Variants in KIF2A observed in about 807,000 individuals in gnomAD.
The protein encoded by KIF2A is kinesin-like protein KIF2A.
Under a neutral mutation model 100.2 loss-of-function variants are expected in KIF2A, and 22 were observed. The ratio of observed to expected loss-of-function variants is 0.22; its 90% confidence interval spans 0.16 to 0.31. The LOEUF is 0.31. Ranked by LOEUF, KIF2A falls within the 10% of genes least tolerant of loss-of-function variation. The pLI, the probability that KIF2A is intolerant of heterozygous loss-of-function variation, is 1.00. For missense variants in KIF2A, 495 were observed against 898.7 expected (o/e 0.55, Z 5.74); for synonymous variants, 268 against 285.9 (o/e 0.94, Z 0.63).
intron 1 of KIF2A, chr5:62,306,869 C>T (rs1745315989): frequency 6.0e-6 from 2 of 333,574 alleles, no homozygotes; most frequent in South Asian, 4.2e-5. Context: ...GGGACACCAG[C>T]CCGGGAGGGA....
At position 62,377,758 on chromosome 5, in the gene KIF2A, T is replaced by A; in HGVS notation, c.2009T>A (p.Phe670Tyr). 6.6e-7 allele frequency: 1 copy of A among 1,506,086 alleles called. No homozygotes were observed. The highest frequency in any genetic ancestry group is 9.0e-7 in the Non-Finnish European group (1 of 1,110,192). The allele number at this position is 1,506,086 out of a possible 1,614,324, so 93.3% of individuals were successfully genotyped here. ...GTTGTAGAAGATCACAGGGCAGTGT[T>A]CCAGGTAAAGTAAGACAGGACTTTC... The part of the protein sequence containing the change: ...EQVVEDHRAV[F>Y]QESIRWLEDE... The change falls in exon 19 of 21, where the codon TTC becomes TAC. Residue 670 changes from phenylalanine to tyrosine, a missense_variant. This residue lies in a region of KIF2A where 58 missense variants were observed against 94.8 expected (regional missense o/e 0.61). Transcript: ENST00000407818.
intron 1 of KIF2A, among the ~76,000 whole-genome samples, chr5:62,342,279 C>T (rs1471449238): frequency 2.0e-5 from 3 of 152,062 alleles, no homozygotes; most frequent in African/African-American, 7.2e-5. Flanking sequence ...TAGGCTCCTC[C>T]CAGATTGTGA....
At chr5:62,354,945 A>C (rs1748026613) in intron 6 of KIF2A, among the ~76,000 whole-genome samples, 1 of 152,190 alleles carries the variant, frequency 6.6e-6, no homozygotes, top group Admixed American at 6.5e-5. Context: ...ATACCGACTA[A>C]GAGAATTGTG....
Position 62,390,859 on chromosome 5 carries a change from A to G in KIF2A, c.*5290A>G, listed in dbSNP as rs534698558. On this transcript the variant is annotated 3_prime_UTR_variant, in exon 21 of 21. Transcript: ENST00000407818. Reference sequence around the variant, plus strand: ...GTAAAGAAATGTAAACACTTAGGAAAACAAAAATGTAATTACCTGATGAAG... The same window carrying G: ...GTAAAGAAATGTAAACACTTAGGAAGACAAAAATGTAATTACCTGATGAAG... 2.5e-6 allele frequency: 4 copies of G among 1,605,760 alleles called. No individual in the cohort carries two copies. In the African/African-American group the frequency reaches 5.3e-5, roughly 21 times the overall value.
At chr5:62,376,136 G>A (rs959384690) in intron 18 of KIF2A, among the ~76,000 whole-genome samples, 5 of 152,064 alleles carry the variant, frequency 3.3e-5, no homozygotes, top group Admixed American at 3.3e-4. Flanking sequence ...CATCTATTGG[G>A]CCTCTGTAGA....
intron 20 of KIF2A, among the ~76,000 whole-genome samples, 156 bp downstream of exon 20, chr5:62,381,409 G>A (rs760757505): frequency 6.6e-6 from 1 of 152,138 alleles, no homozygotes; most frequent in Non-Finnish European, 1.5e-5. Flanking sequence ...ACTAACCATT[G>A]TGGTTTTTCT....
rs749857734 is a variant in KIF2A, at chr5:62,348,094, A to T, written c.206A>T (p.Asp69Val). The T allele has an allele frequency of 2.5e-6, 4 of 1,613,804 alleles. No homozygotes were observed. ...IFSLNPDLVP[D>V]EEIEPSPETP... is the part of the protein sequence containing the mutation. The stretch of plus-strand genomic sequence containing the variant: ...TCACTTAACCCTGACCTTGTTCCTG[A>T]TGAAGAAATTGAACCCAGTCCAGAA... The change falls in exon 3 of 21, where the codon GAT becomes GTT. Residue 69 changes from aspartate (D) to valine (V), a missense_variant. Physicochemically the swap from Asp to Val is radical, Grantham distance 152. Around this residue, in one of 10 missense-constraint regions of KIF2A, gnomAD observed 115 missense variants for 143.6 expected, o/e 0.80. Coordinates refer to ENST00000407818, the MANE Select transcript of KIF2A (RefSeq NM_001098511.3).
chr5:62,329,297 T>G (rs1436712700), intron 1 of KIF2A, among the ~76,000 whole-genome samples: 3 of 152,208 alleles, frequency 2.0e-5, no homozygotes, highest in Non-Finnish European at 4.4e-5. Context: ...ACAGCACTGT[T>G]ACCAGTGTCA....
rs564891293 is a variant in KIF2A, at chr5:62,341,458, G to A, written c.65-5672G>A. Among the ~76,000 whole-genome samples, 60 of 149,444 alleles carry A rather than the reference G, an allele frequency of 4.0e-4. 1 individual carries two copies. The highest frequency in any genetic ancestry group is 1.5e-3 in the African/African-American group (59 of 40,576). On this transcript the variant is annotated intron_variant, in intron 1 of 20. Coordinates refer to ENST00000407818, the MANE Select transcript of KIF2A (RefSeq NM_001098511.3). ...TGGGCCTGTAGGTGGACACCACCATGCCCTGTTGATTTTTAAATTTTTTTT... is the reference window on the plus strand; with the variant it reads ...TGGGCCTGTAGGTGGACACCACCATACCCTGTTGATTTTTAAATTTTTTTT...
intron 1 of KIF2A, among the ~76,000 whole-genome samples, chr5:62,341,446 G>A (rs1187891640): frequency 1.3e-5 from 2 of 151,570 alleles, no homozygotes; most frequent in Admixed American, 6.6e-5. Flanking sequence ...GCCTGTAGGT[G>A]GACACCACCA....
chr5:62,344,443 A>G (rs904475653), intron 1 of KIF2A, among the ~76,000 whole-genome samples: 1 of 152,198 alleles, frequency 6.6e-6, no homozygotes, highest in African/African-American at 2.4e-5. Flanking sequence ...TGACATATTC[A>G]TACTTAAAAA....
In KIF2A at chr5:62,389,022, A is replaced by T. The variant is rs756934070; in HGVS notation, c.*3453A>T. 13 of 1,609,898 alleles carry T rather than the reference A, an allele frequency of 8.1e-6. No individual in the cohort carries two copies. In the South Asian group the frequency reaches 1.1e-4, roughly 14 times the overall value. On this transcript the variant is annotated 3_prime_UTR_variant, in exon 21 of 21. Transcript: ENST00000407818. ...GTTTTCCAAATACCTAGGAAAAATGAATACCTTCTGCGTTGAATCCATGTA... is the reference window on the plus strand; with the variant it reads ...GTTTTCCAAATACCTAGGAAAAATGTATACCTTCTGCGTTGAATCCATGTA...
chr5:62,308,990 A>G (rs980758637), intron 1 of KIF2A, among the ~76,000 whole-genome samples: 2 of 152,180 alleles, frequency 1.3e-5, no homozygotes, highest in African/African-American at 4.8e-5. Flanking sequence ...TCATGTTGTA[A>G]ACCTCAGTTG....
rs574772645 is a variant in KIF2A at position 62,307,710 on chromosome 5, C to T, written c.64+1174C>T. ...TCGGCCCACTGCAACCTCCGCCTCC[C>T]GTGTTGAAGCTATTCTTGTGCCTCA... On this transcript the variant is annotated intron_variant, in intron 1 of 20. Transcript: ENST00000407818. Among the ~76,000 whole-genome samples, 220 of 151,784 alleles carry T rather than the reference C, an allele frequency of 1.4e-3. 2 individuals carry two copies. Among genetic ancestry groups the T allele is most frequent in the African/African-American group, 5.2e-3 (215 of 41,362 alleles).
In KIF2A at chr5:62,350,075, A is replaced by G; in HGVS notation, c.289A>G (p.Thr97Ala). The change falls in exon 4 of 21, where the codon ACT becomes GCT. Residue 97 changes from threonine (T) to alanine (A), a missense_variant. This residue lies in a region of KIF2A where 115 missense variants were observed against 143.6 expected (regional missense o/e 0.80). Coordinates refer to ENST00000407818, the MANE Select transcript of KIF2A (RefSeq NM_001098511.3). ...TTTTTTCCTTTCATAGAATCGACGG[A>G]CTGTAGCTTCTATTAAGAATGACCC... ...KVNKIVKNRR[T>A]VASIKNDPPS... The G allele has an allele frequency of 6.3e-7, 1 of 1,590,318 alleles. No homozygotes were observed. Among genetic ancestry groups the G allele is most frequent in the East Asian group, 2.3e-5 (1 of 44,416 alleles).
At chr5:62,351,643 A>C (rs1262458078) in intron 4 of KIF2A, among the ~76,000 whole-genome samples, 1 of 152,144 alleles carries the variant, frequency 6.6e-6, no homozygotes, top group East Asian at 1.9e-4. Flanking sequence ...TTTGAGTCTT[A>C]TGTAAATTTA....
At chr5:62,354,390 G>A (rs1356551041) in intron 6 of KIF2A, among the ~76,000 whole-genome samples, 1 of 152,030 alleles carries the variant, frequency 6.6e-6, no homozygotes, top group East Asian at 1.9e-4. Context: ...GTAACAGTTT[G>A]TAATTTAGTT....
intron 13 of KIF2A, 126 bp from the exon 14 acceptor site, chr5:62,363,569 G>GT: frequency 2.4e-6 from 2 of 823,588 alleles, no homozygotes; most frequent in Non-Finnish European, 3.8e-6. Flanking sequence ...TGTCTCATCT[G>GT]TATTTAAAAG....
At chr5:62,353,606 T>G (rs1362047510) in intron 6 of KIF2A, among the ~76,000 whole-genome samples, 1 of 152,182 alleles carries the variant, frequency 6.6e-6, no homozygotes, top group Admixed American at 6.5e-5. Context: ...ACGCTAAAAT[T>G]TGTTCCATTA....
Sources: allele counts gnomAD v4.1 joint callset (sites outside exome capture counted in the v4.1 genomes callset), GRCh38; gene constraint gnomAD v4.1.1; regional missense constraint gnomAD v4.1.1; transcripts MANE v1.5; gene names NCBI Gene and HGNC (gene_info 2026-07-23, HGNC 2026-07-21).